The following INPP4B variants were observed in gnomAD, a reference collection of about 807,000 sequenced individuals.
The protein encoded by INPP4B is inositol polyphosphate 4-phosphatase type II.
A neutral mutation model predicts 122.5 loss-of-function variants in INPP4B; 55 were observed. The ratio of observed to expected loss-of-function variants is 0.45; its 90% CI spans 0.36 to 0.56. The LOEUF is 0.56. INPP4B is among the 20% of genes least tolerant of loss of function. The probability of loss-of-function intolerance (pLI) is 0.00; values close to 1 mark genes in which losing one functional copy is unlikely to be tolerated. For synonymous variants in INPP4B, 403 were observed against 388.7 expected (o/e 1.04, Z -0.43); for missense variants, 1,000 against 1,097.7 (o/e 0.91, Z 1.26).
chr4:142,069,492 C>T (rs1417683066), intron 25 of INPP4B, among the ~76,000 whole-genome samples: 1 of 152,036 alleles, frequency 6.6e-6, no homozygotes, highest in Non-Finnish European at 1.5e-5. Flanking sequence ...CAGAGCAGAA[C>T]TGAAGGAGAT....
At chr4:142,238,795 A>C (rs1043996155) in intron 11 of INPP4B, among the ~76,000 whole-genome samples, 1 of 152,256 alleles carries the variant, frequency 6.6e-6, no homozygotes, top group Admixed American at 6.5e-5. Flanking sequence ...TTTGATACTT[A>C]TTAGTGAAGC....
intron 2 of INPP4B, among the ~76,000 whole-genome samples, chr4:142,548,248 G>A (rs1727088121): frequency 6.6e-6 from 1 of 152,142 alleles, no homozygotes; most frequent in African/African-American, 2.4e-5. Flanking sequence ...AGAGAATGTT[G>A]AGAGAGTCAC....
chr4:142,639,846 T>G (rs1749995078), intron 2 of INPP4B, among the ~76,000 whole-genome samples: 1 of 152,052 alleles, frequency 6.6e-6, no homozygotes, highest in Admixed American at 6.6e-5. Context: ...TGCTGGTCAG[T>G]TTTCCAATTA....
intron 5 of INPP4B, among the ~76,000 whole-genome samples, chr4:142,419,684 T>C (rs978021664): frequency 6.6e-6 from 1 of 152,166 alleles, no homozygotes; most frequent in African/African-American, 2.4e-5. Flanking sequence ...AAGACTGTTT[T>C]GTACAATAGA....
chr4:142,206,228 T>C (rs1008557217), intron 14 of INPP4B, among the ~76,000 whole-genome samples: 1 of 152,010 alleles, frequency 6.6e-6, no homozygotes. Flanking sequence ...TCCAAATGCC[T>C]CCCCTTAGGT....
At chr4:142,036,317 A>G (rs1435903037) in intron 25 of INPP4B, among the ~76,000 whole-genome samples, 2 of 152,166 alleles carry the variant, frequency 1.3e-5, no homozygotes, top group African/African-American at 2.4e-5. Context: ...TTAGGAAAAA[A>G]GTATAGAATC....
intron 1 of INPP4B, among the ~76,000 whole-genome samples, chr4:142,837,693 T>C (rs888198898): frequency 6.6e-6 from 1 of 152,152 alleles, no homozygotes; most frequent in Non-Finnish European, 1.5e-5. Context: ...CTGGTGAGGA[T>C]GGCAAAATGA....
rs1044480045 is a variant in INPP4B at position 142,414,664 on chromosome 4, A to G, written c.137-9340T>C. On this transcript the variant is annotated intron_variant, in intron 5 of 25. Coordinates refer to ENST00000262992, the MANE Select transcript of INPP4B (RefSeq NM_001101669.3). Reference sequence around the variant, plus strand: ...GAAAATCCTATTTTGTCTTGCTTTCATGAATATTACCTAGGTGGCTGAGAC... The same window carrying G: ...GAAAATCCTATTTTGTCTTGCTTTCGTGAATATTACCTAGGTGGCTGAGAC... 2.0e-5 allele frequency among the ~76,000 whole-genome samples: 3 copies of G among 152,152 alleles called. No homozygotes were observed. In the East Asian group the frequency reaches 5.8e-4, roughly 29 times the overall value.
chr4:142,706,631 C>T (rs1169693553), intron 2 of INPP4B, among the ~76,000 whole-genome samples: 3 of 152,230 alleles, frequency 2.0e-5, no homozygotes, highest in Non-Finnish European at 4.4e-5. Flanking sequence ...GCTAAACAAG[C>T]AAGCTTGGCT....
chr4:142,412,308 A>C (rs2149251543), intron 5 of INPP4B, among the ~76,000 whole-genome samples: 1 of 152,270 alleles, frequency 6.6e-6, no homozygotes, highest in African/African-American at 2.4e-5. Context: ...TTAGTATAAT[A>C]TGCTTTTCTA....
intron 3 of INPP4B, among the ~76,000 whole-genome samples, chr4:142,453,832 C>T (rs932430377): frequency 6.6e-6 from 1 of 152,082 alleles, no homozygotes; most frequent in Non-Finnish European, 1.5e-5. Flanking sequence ...TAAACTCGAA[C>T]TGGGTGGAAT....
intron 22 of INPP4B, among the ~76,000 whole-genome samples, chr4:142,110,527 G>A (rs1578933570): frequency 1.3e-5 from 2 of 152,120 alleles, no homozygotes; most frequent in Non-Finnish European, 2.9e-5. Context: ...TGTAGATGTT[G>A]CTGGTAAAGC....
intron 18 of INPP4B, among the ~76,000 whole-genome samples, chr4:142,127,737 G>A (rs1217507526): frequency 6.6e-6 from 1 of 152,136 alleles, no homozygotes; most frequent in African/African-American, 2.4e-5. Context: ...ATAGTAGTAA[G>A]CCTTCTATGG....
intron 2 of INPP4B, among the ~76,000 whole-genome samples, chr4:142,580,008 A>G (rs1266142027): frequency 6.6e-6 from 1 of 151,630 alleles, no homozygotes; most frequent in Non-Finnish European, 1.5e-5. Context: ...CCCCAAGGGA[A>G]GATACGCAGA....
chr4:142,559,872 A>G (rs1332238938), intron 2 of INPP4B, among the ~76,000 whole-genome samples: 1 of 150,992 alleles, frequency 6.6e-6, no homozygotes, highest in Non-Finnish European at 1.5e-5. Context: ...ATGTTGAAAA[A>G]AAGTTTCAGT....
chr4:142,521,332 A>G (rs554638799), intron 2 of INPP4B, among the ~76,000 whole-genome samples: 1 of 152,162 alleles, frequency 6.6e-6, no homozygotes, highest in Non-Finnish European at 1.5e-5. Flanking sequence ...TTGGCAATTC[A>G]TATTTCCATT....
intron 2 of INPP4B, among the ~76,000 whole-genome samples, chr4:142,620,750 G>A (rs1456102047): frequency 6.6e-6 from 1 of 151,944 alleles, no homozygotes; most frequent in Non-Finnish European, 1.5e-5. Context: ...AGAGTCAAAA[G>A]AAAAATTCAA....
At chr4:142,424,896 ATTT>A (rs930418148) in intron 5 of INPP4B, among the ~76,000 whole-genome samples, 1 of 151,952 alleles carries the variant, frequency 6.6e-6, no homozygotes, top group East Asian at 1.9e-4. Flanking sequence ...CCTATTATTT[ATTT>A]TTTGTGATAA....
At chr4:142,245,599 A>G (rs944730563) in intron 11 of INPP4B, among the ~76,000 whole-genome samples, 24 of 152,012 alleles carry the variant, frequency 1.6e-4, no homozygotes, top group African/African-American at 5.6e-4. Context: ...TGCTGGCCTC[A>G]TAAAATGAGT....
Sources: gnomAD v4.1 joint callset for allele counts (sites outside exome capture counted in the v4.1 genomes callset) on GRCh38, gnomAD v4.1.1 for gene constraint, MANE v1.5 for transcripts, NCBI Gene and HGNC (gene_info 2026-07-23, HGNC 2026-07-21) for gene names.